TNS1: variants seen among roughly 807,000 people sequenced by gnomAD.
TNS1 encodes tensin 1, also known as tensin-1.
Under a neutral mutation model 168.6 loss-of-function variants are expected in TNS1, and 62 were observed. That is an observed-to-expected ratio of 0.37 (90% CI 0.30 to 0.45). TNS1 has a LOEUF of 0.45. Among genes scored for constraint, TNS1 ranks in the 20% least tolerant of loss-of-function variants. The probability of loss-of-function intolerance (pLI) is 1.00; values close to 1 mark genes in which losing one functional copy is unlikely to be tolerated. For synonymous variants in TNS1, 934 were observed against 933.2 expected, an observed-to-expected ratio of 1.00 and a Z score of -0.02; for missense variants, 2,240 against 2,339.4, an observed-to-expected ratio of 0.96 and a Z score of 0.88.
Position 217,957,732 on chromosome 2 carries a change from G to GT in TNS1, c.186+21032dup, listed in dbSNP as rs542655773. On this transcript the variant is annotated intron_variant, in intron 3 of 32. Coordinates refer to ENST00000682258, the MANE Select transcript of TNS1 (RefSeq NM_001387777.1). ...ATTAATGATGTTAACTGTGATAATG[G>GT]TATTATGGTAATGTTAAAATAAAAA... Among the ~76,000 whole-genome samples, 42 of 150,734 alleles carry GT rather than the reference G, an allele frequency of 2.8e-4. No homozygotes were observed. In the East Asian group the frequency reaches 3.7e-3, roughly 13 times the overall value.
At chr2:217,881,093 A>T (rs544814049) in intron 17 of TNS1, 79 bp from the exon 18 acceptor site, 162 of 1,065,374 alleles carry the variant, frequency 1.5e-4, no homozygotes, top group South Asian at 1.5e-3. Flanking sequence ...GGAAAAACAG[A>T]GAAAGCCCAC....
At chr2:217,932,591 G>C (rs564769471) in intron 3 of TNS1, among the ~76,000 whole-genome samples, 1 of 149,060 alleles carries the variant, frequency 6.7e-6, no homozygotes, top group Non-Finnish European at 1.5e-5. Context: ...GCGTCTCAAA[G>C]CACGTAATCT....
At chr2:217,957,149 C>A (rs1957385223) in intron 3 of TNS1, among the ~76,000 whole-genome samples, 1 of 152,226 alleles carries the variant, frequency 6.6e-6, no homozygotes, top group Non-Finnish European at 1.5e-5. Flanking sequence ...CCGCCCCCAC[C>A]CCGGTAAGGC....
Position 217,849,020 on chromosome 2 carries a change from G to A in TNS1, c.1497C>T (p.Ser499=). The A allele has an allele frequency of 6.2e-7, 1 of 1,614,028 alleles. No individual in the cohort carries two copies. The highest frequency in any genetic ancestry group is 1.1e-5 in the South Asian group (1 of 91,058). Residue 499 remains serine, a synonymous_variant, in exon 19 of 33, where the codon TCC becomes TCT. Transcript: ENST00000682258. ...TAACAGCCCCGGTGCTGCCGTGCAG[G>A]GAGTCTTTCTTCTTCACCTTAGCAT... The part of the protein sequence containing the change: ...SLYAKVKKKD[S]LHGSTGAVNA...
intron 1 of TNS1, among the ~76,000 whole-genome samples, chr2:218,018,030 G>A (rs1181372154): frequency 6.6e-6 from 1 of 152,228 alleles, no homozygotes; most frequent in African/African-American, 2.4e-5. Context: ...TAGCAGGCTA[G>A]AGGAGAGGTA....
rs776760155 is a variant in TNS1, at chr2:217,821,858, T to C, written c.3454A>G (p.Ser1152Gly). 1.9e-6 allele frequency: 3 copies of C among 1,587,276 alleles called. No individual in the cohort carries two copies. In the African/African-American group the frequency reaches 4.1e-5, roughly 21 times the overall value. The stretch of plus-strand genomic sequence containing the variant: ...CCATAGGCCTGGGTGGCTGGAGCAC[T>C]AAAGCTCTTGGGCTCAGAGTCCTGA... The part of the protein sequence containing the change: ...RAQDSEPKSF[S>G]APATQAYGHE... Residue 1152 changes from serine to glycine, a missense_variant, in exon 23 of 33, where the codon AGT becomes GGT. Ser to Gly is a moderately conservative substitution (Grantham distance 56, BLOSUM62 0). Coordinates refer to ENST00000682258, the MANE Select transcript of TNS1 (RefSeq NM_001387777.1).
chr2:217,892,016 C>T (rs1379350888), intron 11 of TNS1, among the ~76,000 whole-genome samples: 2 of 152,228 alleles, frequency 1.3e-5, no homozygotes, highest in African/African-American at 2.4e-5. Flanking sequence ...GTGTTTAATG[C>T]CCATGAGGGC....
chr2:217,952,686 A>C (rs1435843346), intron 3 of TNS1, among the ~76,000 whole-genome samples: 2 of 152,190 alleles, frequency 1.3e-5, no homozygotes, highest in African/African-American at 4.8e-5. Context: ...GGTAGGCTTC[A>C]AGGTGGCTGG....
At chr2:217,897,737 G>A in intron 8 of TNS1, 61 bp downstream of exon 8, 2 of 1,488,874 alleles carry the variant, frequency 1.3e-6, no homozygotes, top group South Asian at 1.3e-5. Flanking sequence ...GTCATGTAGA[G>A]GTGGTGAGCA....
chr2:218,013,077 A>G (rs1054234082), upstream of TNS1, among the ~76,000 whole-genome samples: 7 of 151,508 alleles, frequency 4.6e-5, no homozygotes, highest in African/African-American at 1.5e-4. Flanking sequence ...GTGAAACCCC[A>G]TCACTAGTAA....
chr2:217,871,466 C>A (rs1380088951), intron 18 of TNS1, among the ~76,000 whole-genome samples: 1 of 152,218 alleles, frequency 6.6e-6, no homozygotes, highest in Non-Finnish European at 1.5e-5. Flanking sequence ...ACAAGGGGCA[C>A]ATGTATCACT....
intron 3 of TNS1, among the ~76,000 whole-genome samples, chr2:217,960,094 G>C (rs1185719932): frequency 2.0e-5 from 3 of 152,026 alleles, no homozygotes; most frequent in Admixed American, 2.0e-4. Flanking sequence ...CCTTGTACTG[G>C]GGTCCTAGGA....
intron 1 of TNS1, among the ~76,000 whole-genome samples, chr2:218,030,936 T>G (rs951159613): frequency 1.8e-4 from 28 of 152,090 alleles, no homozygotes; most frequent in African/African-American, 6.5e-4. Flanking sequence ...TGTGTGAGCA[T>G]AAGTATGAGT....
upstream of TNS1, chr2:218,010,534 T>G: frequency 3.3e-5 from 6 of 181,614 alleles, no homozygotes; most frequent in Non-Finnish European, 4.6e-5. Context: ...GCCTCCTGCT[T>G]CCCGGGCGCG....
chr2:217,931,708 G>A (rs1956331841), intron 3 of TNS1, among the ~76,000 whole-genome samples: 1 of 152,214 alleles, frequency 6.6e-6, no homozygotes, highest in African/African-American at 2.4e-5. Context: ...GCTGTTGATT[G>A]TATGTAGCAT....
chr2:217,937,245 C>T (rs1405499620), intron 3 of TNS1: 1 of 352,850 alleles, frequency 2.8e-6, no homozygotes, highest in Non-Finnish European at 5.6e-6. Context: ...ATACCCAGCA[C>T]CTTAACTGGC....
chr2:217,823,948 C>A (rs1943244263), intron 22 of TNS1, among the ~76,000 whole-genome samples: 1 of 152,250 alleles, frequency 6.6e-6, no homozygotes, highest in African/African-American at 2.4e-5. Flanking sequence ...GGCATGGATT[C>A]TGTGCCACCC....
At chr2:217,917,850 A>C (rs556119190) in intron 4 of TNS1, among the ~76,000 whole-genome samples, 1 of 147,464 alleles carries the variant, frequency 6.8e-6, no homozygotes, top group African/African-American at 2.6e-5. Context: ...AAAAAAAAAG[A>C]CTTGCGACTG....
chr2:218,023,860 T>A (rs957593484), intron 1 of TNS1, among the ~76,000 whole-genome samples: 7 of 151,908 alleles, frequency 4.6e-5, no homozygotes, highest in African/African-American at 1.7e-4. Flanking sequence ...AATGCCAGAA[T>A]CCCAGAGAGA....
Sources: gnomAD v4.1 joint callset for allele counts (sites outside exome capture counted in the v4.1 genomes callset) on GRCh38, gnomAD v4.1.1 for gene constraint, MANE v1.5 for transcripts, NCBI Gene and HGNC (gene_info 2026-07-23, HGNC 2026-07-21) for gene names.